Variants in ABHD3 observed in about 807,000 individuals in gnomAD.
The protein encoded by ABHD3 is phospholipase ABHD3.
Under a neutral mutation model 48.8 loss-of-function variants are expected in ABHD3, and 46 were observed. That is an observed-to-expected ratio of 0.94 (90% confidence interval 0.74 to 1.20). The LOEUF is 1.20. Among genes scored for constraint, ABHD3 ranks in the 50% most tolerant of loss-of-function variants. The pLI is 0.00. For synonymous variants in ABHD3, 192 were observed against 183.7 expected, an observed-to-expected ratio of 1.04 and a Z score of -0.36; for missense variants, 490 against 497.8, an observed-to-expected ratio of 0.98 and a Z score of 0.15.
intron 2 of ABHD3, among the ~76,000 whole-genome samples, chr18:21,703,267 CA>C (rs1382880405): frequency 1.6e-5 from 2 of 128,922 alleles, no homozygotes; most frequent in African/African-American, 5.8e-5. Flanking sequence ...TGCAGATCAT[CA>C]AAAGATCTGG....
intron 3 of ABHD3, 139 bp downstream of exon 3, chr18:21,702,177 G>T: frequency 1.4e-6 from 1 of 732,658 alleles, no homozygotes; most frequent in Non-Finnish European, 2.1e-6. Flanking sequence ...AGGAAAAAAA[G>T]AATGCAGAGA....
At chr18:21,690,957 T>C (rs1052818339) in intron 3 of ABHD3, among the ~76,000 whole-genome samples, 2 of 146,316 alleles carry the variant, frequency 1.4e-5, no homozygotes, top group South Asian at 2.1e-4. Flanking sequence ...ATCATGCCAT[T>C]GTACTCCAGC....
At chr18:21,696,578 T>C (rs2040375096) in intron 3 of ABHD3, among the ~76,000 whole-genome samples, 1 of 152,230 alleles carries the variant, frequency 6.6e-6, no homozygotes, top group South Asian at 2.1e-4. Flanking sequence ...TTTTTTGGAA[T>C]GAATGGTAAA....
chr18:21,689,927 ATCAC>A (rs1201677292), intron 3 of ABHD3, among the ~76,000 whole-genome samples: 10 of 152,186 alleles, frequency 6.6e-5, no homozygotes, highest in Non-Finnish European at 7.3e-5. Context: ...TCTACAATGG[ATCAC>A]TCAAACTGTC....
rs946221449 is a variant in ABHD3, at chr18:21,702,149, A to C, written c.509+167T>G. ...TTCTTGTGAGATGATTCAGTTATGCATCTTCCTGAAAAGAAAGAGGAAAAA... is the reference window on the plus strand; with the variant it reads ...TTCTTGTGAGATGATTCAGTTATGCCTCTTCCTGAAAAGAAAGAGGAAAAA... On this transcript the variant is annotated intron_variant, in intron 3 of 8. Transcript: ENST00000289119. 3 of 591,348 alleles carry C rather than the reference A, an allele frequency of 5.1e-6. No homozygotes were observed. The African/African-American group carries it at 5.7e-5, about 11-fold the overall frequency. The allele number at this position is 591,348 out of a possible 1,614,324, so 36.6% of individuals were successfully genotyped here.
chr18:21,663,800 T>C lies in ABHD3; in HGVS notation c.668+318A>G, dbSNP rs1027342088. The C allele has an allele frequency of 3.9e-6, 6 of 1,533,464 alleles. No individual in the cohort carries two copies. In the African/African-American group the frequency reaches 4.1e-5, roughly 11 times the overall value. 95.0% of individuals were successfully genotyped at this position (1,533,464 alleles called of 1,614,324 possible). On this transcript the variant is annotated intron_variant, in intron 5 of 8. Transcript: ENST00000289119. ...TTCAGAACGCAGCTCCAGGGATGGCTGGGAGTGCGTCAGGAATCAGAAGGT... is the reference window on the plus strand; with the variant it reads ...TTCAGAACGCAGCTCCAGGGATGGCCGGGAGTGCGTCAGGAATCAGAAGGT...
chr18:21,665,213 G>T (rs2039594429), intron 4 of ABHD3, among the ~76,000 whole-genome samples: 1 of 151,916 alleles, frequency 6.6e-6, no homozygotes, highest in Non-Finnish European at 1.5e-5. Flanking sequence ...ACAAAGTGCT[G>T]GGATTACAGG....
chr18:21,697,840 G>A (rs534479799), intron 3 of ABHD3, among the ~76,000 whole-genome samples: 47 of 152,176 alleles, frequency 3.1e-4, no homozygotes, highest in African/African-American at 1.1e-3. Context: ...AAAAAACAAT[G>A]GTTTAACATC....
intron 3 of ABHD3, among the ~76,000 whole-genome samples, chr18:21,687,014 CAT>C (rs1412209975): frequency 6.6e-6 from 1 of 152,000 alleles, no homozygotes; most frequent in Non-Finnish European, 1.5e-5. Context: ...CTCCTGGGCT[CAT>C]GTGATTCTCA....
At chr18:21,687,430 C>G (rs1383519619) in intron 3 of ABHD3, among the ~76,000 whole-genome samples, 2 of 152,024 alleles carry the variant, frequency 1.3e-5, no homozygotes, top group Non-Finnish European at 2.9e-5. Flanking sequence ...CCAGGACGGT[C>G]TCGATTTCCT....
intron 3 of ABHD3, among the ~76,000 whole-genome samples, chr18:21,696,624 T>C (rs1014100610): frequency 1.3e-5 from 2 of 152,220 alleles, no homozygotes; most frequent in South Asian, 2.1e-4. Flanking sequence ...TAGGTATAAA[T>C]TGTTAGAGAA....
chr18:21,687,789 G>C (rs1202617991), intron 3 of ABHD3, among the ~76,000 whole-genome samples: 1 of 152,162 alleles, frequency 6.6e-6, no homozygotes, highest in Non-Finnish European at 1.5e-5. Flanking sequence ...AAAAGGAAGA[G>C]ACTACCTATA....
At chr18:21,660,121 A>G (rs537909811) in intron 5 of ABHD3, among the ~76,000 whole-genome samples, 3 of 143,874 alleles carry the variant, frequency 2.1e-5, no homozygotes, top group South Asian at 4.5e-4. Flanking sequence ...GCCATCAAAC[A>G]CAGCTAATTA....
chr18:21,686,823 C>T (rs1008609637), intron 3 of ABHD3, among the ~76,000 whole-genome samples: 3 of 152,222 alleles, frequency 2.0e-5, no homozygotes, highest in African/African-American at 7.2e-5. Context: ...TTCATTTAAC[C>T]CCTTTGCTAC....
At position 21,667,201 on chromosome 18, in the gene ABHD3, G is replaced by A. The variant is rs1598522353; in HGVS notation, c.556-2971C>T. On this transcript the variant is annotated intron_variant, in intron 4 of 8. Transcript: ENST00000289119. Reference sequence around the variant, plus strand: ...CCATTCTCCTGCCTCAGCCTCCCATGTAGCTGGGATTACAGGCGCCCACCA... The same window carrying A: ...CCATTCTCCTGCCTCAGCCTCCCATATAGCTGGGATTACAGGCGCCCACCA... Among the ~76,000 whole-genome samples, 4 of 126,982 alleles carry A rather than the reference G, an allele frequency of 3.2e-5. 1 individual carries two copies. The East Asian group carries it at 9.6e-4, about 31-fold the overall frequency. The allele number at this position is 126,982 out of a possible 152,430, so 83.3% of individuals were successfully genotyped here.
chr18:21,675,037 C>T (rs1475961529), intron 4 of ABHD3, among the ~76,000 whole-genome samples: 1 of 152,060 alleles, frequency 6.6e-6, no homozygotes, highest in Non-Finnish European at 1.5e-5. Context: ...AACCTGAGTC[C>T]TTAACCCCAA....
At position 21,651,766 on chromosome 18, in the gene ABHD3, T is replaced by G. The variant is rs1392786780; in HGVS notation, c.1058-3A>C. 4 of 1,517,964 alleles carry G rather than the reference T, an allele frequency of 2.6e-6. No homozygotes were observed. The highest frequency in any genetic ancestry group is 1.4e-5 in the African/African-American group (1 of 70,600). The allele number at this position is 1,517,964 out of a possible 1,614,324, so 94.0% of individuals were successfully genotyped here. A position where few individuals can be genotyped will look rare whatever the true frequency, so the allele number is the denominator to read the frequency against. Reference sequence around the variant, plus strand: ...CTTAGCAGTTTCTATTGGAATAGCTTCAGACCAAAAAAAACATGGCAATAA... The same window carrying G: ...CTTAGCAGTTTCTATTGGAATAGCTGCAGACCAAAAAAAACATGGCAATAA... On this transcript the variant is annotated splice_polypyrimidine_tract_variant and splice_region_variant and intron_variant, in intron 8 of 8. Transcript: ENST00000289119.
At chr18:21,687,581 C>T (rs1033677419) in intron 3 of ABHD3, among the ~76,000 whole-genome samples, 4 of 152,064 alleles carry the variant, frequency 2.6e-5, no homozygotes, top group Admixed American at 6.6e-5. Flanking sequence ...TTCTAAAGGG[C>T]GTGTATATGA....
chr18:21,698,861 G>A (rs950844801), intron 3 of ABHD3, among the ~76,000 whole-genome samples: 4 of 151,616 alleles, frequency 2.6e-5, no homozygotes, highest in African/African-American at 7.3e-5. Flanking sequence ...GATTACAGGC[G>A]TCAGCCACTG....
Sources: gnomAD v4.1 joint callset for allele counts (sites outside exome capture counted in the v4.1 genomes callset) on GRCh38, gnomAD v4.1.1 for gene constraint, MANE v1.5 for transcripts, NCBI Gene and HGNC (gene_info 2026-07-23, HGNC 2026-07-21) for gene names.